Variants in CCSER1 observed in about 807,000 individuals in gnomAD.
CCSER1 encodes serine-rich coiled-coil domain-containing protein 1.
In CCSER1, 41 loss-of-function variants were observed where a neutral mutation model predicts 82.0. The ratio of observed to expected loss-of-function variants is 0.50; its 90% CI spans 0.39 to 0.65. The LOEUF (loss-of-function observed/expected upper bound fraction) is 0.65, where lower values mean the gene tolerates loss of function less well. Among genes scored for constraint, CCSER1 ranks in the 30% least tolerant of loss-of-function variants. The pLI is 0.00. For missense variants in CCSER1, 1,119 were observed against 1,064.2 expected (o/e 1.05, Z -0.72); for synonymous variants, 414 against 383.9 (o/e 1.08, Z -0.92).
chr4:90,727,305 C>T (rs897080476), intron 7 of CCSER1: 9 of 455,076 alleles, frequency 2.0e-5, no homozygotes, highest in African/African-American at 1.6e-4. Flanking sequence ...TAGGTAGGAA[C>T]AAAATGTTAT....
At chr4:90,945,464 T>G (rs1387441058) in intron 9 of CCSER1, among the ~76,000 whole-genome samples, 1 of 152,222 alleles carries the variant, frequency 6.6e-6, no homozygotes, top group African/African-American at 2.4e-5. Flanking sequence ...TGTTGTTTTA[T>G]TTAATGAGTT....
rs1018204565 is a variant in CCSER1, at chr4:91,601,990, G to A, written c.*2933G>A. 6.6e-6 allele frequency: 1 copy of A among 151,832 alleles called. No individual in the cohort carries two copies. The highest frequency in any genetic ancestry group is 1.5e-5 in the Non-Finnish European group (1 of 67,898). 9.4% of individuals were successfully genotyped at this position (151,832 alleles called of 1,614,324 possible). A position where few individuals can be genotyped will look rare whatever the true frequency, so the allele number is the denominator to read the frequency against. On this transcript the variant is annotated 3_prime_UTR_variant, in exon 11 of 11. Coordinates refer to ENST00000509176, the MANE Select transcript of CCSER1 (RefSeq NM_001145065.2). ...ACCACAAAACTATGAATTCTCTCCC[G>A]AATTATTTTTGCTTCTTTGGAGCAC...
At chr4:90,276,561 G>T (rs533668950) in intron 1 of CCSER1, among the ~76,000 whole-genome samples, 1 of 151,812 alleles carries the variant, frequency 6.6e-6, no homozygotes, top group Non-Finnish European at 1.5e-5. Context: ...GGTCAGGCTG[G>T]TCTCGAAATC....
chr4:90,535,294 C>T (rs1356808191), intron 5 of CCSER1, among the ~76,000 whole-genome samples: 1 of 151,974 alleles, frequency 6.6e-6, no homozygotes, highest in Non-Finnish European at 1.5e-5. Context: ...AGGCATTAGA[C>T]ATCATTTGGG....
intron 8 of CCSER1, among the ~76,000 whole-genome samples, chr4:90,850,268 C>T (rs1763720188): frequency 6.6e-6 from 1 of 152,212 alleles, no homozygotes; most frequent in South Asian, 2.1e-4. Context: ...CCTCATGGCT[C>T]ACTAGGCGAT....
intron 8 of CCSER1, among the ~76,000 whole-genome samples, chr4:90,863,422 TTCAG>T (rs1765335094): frequency 6.6e-6 from 1 of 151,958 alleles, no homozygotes; most frequent in African/African-American, 2.4e-5. Flanking sequence ...AATTTTCTTT[TTCAG>T]TCAGATGATA....
At chr4:90,428,639 AT>A (rs903011840) in intron 4 of CCSER1, among the ~76,000 whole-genome samples, 6 of 151,814 alleles carry the variant, frequency 4.0e-5, no homozygotes, top group Non-Finnish European at 4.4e-5. Context: ...TCATCTCCAT[AT>A]TCAGTAGGCC....
chr4:91,100,806 C>T (rs1352405507), intron 10 of CCSER1, among the ~76,000 whole-genome samples: 2 of 152,048 alleles, frequency 1.3e-5, no homozygotes, highest in Non-Finnish European at 2.9e-5. Flanking sequence ...GATCACTGAC[C>T]TTCCAAGAAA....
chr4:90,917,278 A>G (rs1027822869), intron 8 of CCSER1, among the ~76,000 whole-genome samples: 5 of 152,326 alleles, frequency 3.3e-5, no homozygotes, highest in African/African-American at 4.8e-5. Context: ...ATGTCCAACA[A>G]TGATGGACTG....
chr4:91,402,839 G>C (rs1032924405), intron 10 of CCSER1, among the ~76,000 whole-genome samples: 1 of 152,188 alleles, frequency 6.6e-6, no homozygotes, highest in Admixed American at 6.6e-5. Flanking sequence ...GATGCCTCCA[G>C]CTTTGTTCCT....
chr4:91,463,522 G>A (rs1756643869), intron 10 of CCSER1, among the ~76,000 whole-genome samples: 1 of 152,210 alleles, frequency 6.6e-6, no homozygotes, highest in Non-Finnish European at 1.5e-5. Context: ...ACTTTGACGA[G>A]TTGAGAGAAG....
Position 91,539,235 on chromosome 4 carries a change from A to G in CCSER1, c.2218-59337A>G, listed in dbSNP as rs373702225. Among the ~76,000 whole-genome samples, 36 of 152,026 alleles carry G rather than the reference A, an allele frequency of 2.4e-4. 1 individual carries two copies. Among genetic ancestry groups the G allele is most frequent in the East Asian group, 2.3e-3 (12 of 5,176 alleles). Reference sequence around the variant, plus strand: ...TTCCTTATATATTGTGTGTTCTTTAACTTGTGTTTGATTAATAGCTTGTGT... The same window carrying G: ...TTCCTTATATATTGTGTGTTCTTTAGCTTGTGTTTGATTAATAGCTTGTGT... On this transcript the variant is annotated intron_variant, in intron 10 of 10. Coordinates refer to ENST00000509176, the MANE Select transcript of CCSER1 (RefSeq NM_001145065.2).
intron 8 of CCSER1, among the ~76,000 whole-genome samples, chr4:90,870,870 A>T (rs1766393651): frequency 1.6e-5 from 2 of 126,772 alleles, no homozygotes; most frequent in Admixed American, 8.3e-5. Context: ...AAATCTCATT[A>T]CTTGTTATGG....
chr4:91,025,318 A>G (rs917315464), intron 9 of CCSER1, among the ~76,000 whole-genome samples: 2 of 152,180 alleles, frequency 1.3e-5, no homozygotes, highest in African/African-American at 2.4e-5. Context: ...CTTTAAAGTC[A>G]CACTTTCTTA....
intron 1 of CCSER1, among the ~76,000 whole-genome samples, chr4:90,213,864 A>G (rs1184036517): frequency 6.6e-6 from 1 of 152,178 alleles, no homozygotes; most frequent in Non-Finnish European, 1.5e-5. Context: ...TGACTGGAAT[A>G]TCTTTAAATG....
chr4:90,431,566 A>G (rs749662019), intron 4 of CCSER1, among the ~76,000 whole-genome samples: 1 of 152,110 alleles, frequency 6.6e-6, no homozygotes, highest in Non-Finnish European at 1.5e-5. Context: ...CAATTTTACA[A>G]CTAAATGGAG....
chr4:90,134,378 G>C (rs151113184), intron 1 of CCSER1, among the ~76,000 whole-genome samples: 1 of 151,958 alleles, frequency 6.6e-6, no homozygotes. Flanking sequence ...TTGCTTCTTG[G>C]GTCACTGAGG....
At chr4:91,171,354 C>T (rs1242174191) in intron 10 of CCSER1, among the ~76,000 whole-genome samples, 3 of 152,092 alleles carry the variant, frequency 2.0e-5, no homozygotes, top group African/African-American at 4.8e-5. Context: ...ACTTAGCAAA[C>T]GATATCAGCA....
chr4:90,572,858 G>C (rs2148581169), intron 5 of CCSER1, among the ~76,000 whole-genome samples: 1 of 152,226 alleles, frequency 6.6e-6, no homozygotes, highest in African/African-American at 2.4e-5. Flanking sequence ...ACCATATTTT[G>C]TCTGTTTGGT....
Sources: allele counts gnomAD v4.1 joint callset (sites outside exome capture counted in the v4.1 genomes callset), GRCh38; gene constraint gnomAD v4.1.1; transcripts MANE v1.5; gene names NCBI Gene and HGNC (gene_info 2026-07-23, HGNC 2026-07-21).